Variants in PTPRE observed in about 807,000 individuals in gnomAD.
PTPRE encodes receptor-type tyrosine-protein phosphatase epsilon.
PTPRE carries 51 observed loss-of-function variants against 102.0 expected under a neutral mutation model. The ratio of observed to expected loss-of-function variants is 0.50; its 90% confidence interval spans 0.40 to 0.63. The LOEUF (loss-of-function observed/expected upper bound fraction) is 0.63, where lower values mean the gene tolerates loss of function less well. PTPRE is among the 30% of genes least tolerant of loss of function. The pLI, the probability that PTPRE is intolerant of heterozygous loss-of-function variation, is 0.00. For missense variants in PTPRE, 752 were observed against 915.1 expected (o/e 0.82, Z 2.30); for synonymous variants, 345 against 348.2 (o/e 0.99, Z 0.10).
intron 1 of PTPRE, among the ~76,000 whole-genome samples, chr10:127,910,200 C>T (rs962447122): frequency 6.6e-6 from 1 of 152,156 alleles, no homozygotes; most frequent in Non-Finnish European, 1.5e-5. Context: ...TCTAGTTTTT[C>T]TTTTGGCTTT....
intron 3 of PTPRE, among the ~76,000 whole-genome samples, chr10:128,044,776 C>G (rs1460712824): frequency 6.6e-6 from 1 of 152,208 alleles, no homozygotes; most frequent in African/African-American, 2.4e-5. Context: ...TCTCAGATGA[C>G]TCCCTGACTC....
intron 2 of PTPRE, among the ~76,000 whole-genome samples, chr10:128,009,558 C>T (rs762280041): frequency 6.6e-6 from 1 of 152,154 alleles, no homozygotes; most frequent in African/African-American, 2.4e-5. Context: ...CGAGGTGCAG[C>T]GAGGTCACTA....
chr10:128,058,533 G>A (rs1477640877), intron 7 of PTPRE, among the ~76,000 whole-genome samples: 1 of 152,220 alleles, frequency 6.6e-6, no homozygotes, highest in African/African-American at 2.4e-5. Flanking sequence ...GGAAAGATGG[G>A]TTTACAGAAT....
intron 2 of PTPRE, among the ~76,000 whole-genome samples, chr10:128,003,887 G>A (rs4529818): frequency 0.091 from 13,846 of 151,958 alleles, 827 homozygotes; most frequent in Non-Finnish European, 0.13. Context: ...ATGCCCATTC[G>A]GATGCTCCCA....
intron 2 of PTPRE, among the ~76,000 whole-genome samples, chr10:128,032,085 G>A (rs759651126): frequency 2.6e-5 from 4 of 152,030 alleles, no homozygotes; most frequent in African/African-American, 7.3e-5. Context: ...GCGCAATCTC[G>A]GCTCACTGCA....
chr10:127,943,062 T>C (rs1299068981), intron 1 of PTPRE, among the ~76,000 whole-genome samples: 1 of 152,206 alleles, frequency 6.6e-6, no homozygotes, highest in African/African-American at 2.4e-5. Flanking sequence ...TCATGTGTTT[T>C]ATTCTTCTCT....
At position 127,930,583 on chromosome 10, in the gene PTPRE, A is replaced by C. The variant is rs575903789; in HGVS notation, c.-31+23274A>C. On this transcript the variant is annotated intron_variant, in intron 1 of 20. Transcript: ENST00000254667. ...TGAATAAAATGGCTATAACATGTGC[A>C]TGTAGGTTTTTGCATAAACCTAGGT... Among the ~76,000 whole-genome samples, 26 of 152,310 alleles carry C rather than the reference A, an allele frequency of 1.7e-4. 1 individual carries two copies. The South Asian group carries it at 5.4e-3, about 32-fold the overall frequency.
intron 1 of PTPRE, among the ~76,000 whole-genome samples, chr10:127,956,716 A>G (rs943469842): frequency 6.6e-6 from 1 of 152,198 alleles, no homozygotes; most frequent in African/African-American, 2.4e-5. Context: ...GTTGCTCCAA[A>G]TCCTTACCAG....
chr10:127,987,072 A>G (rs1359850), intron 2 of PTPRE, among the ~76,000 whole-genome samples: 12,276 of 152,244 alleles, frequency 0.081, 669 homozygotes, highest in South Asian at 0.13. Context: ...GACATGACAA[A>G]CAGATTAATC....
chr10:128,072,056 T>C (rs1035862466), intron 15 of PTPRE, 82 bp from the exon 16 acceptor site: 1 of 1,133,722 alleles, frequency 8.8e-7, no homozygotes, highest in Non-Finnish European at 1.3e-6. Context: ...AGGATCTATA[T>C]TTTGCAAGCT....
chr10:128,045,932 TG>T (rs1848052938), intron 3 of PTPRE, among the ~76,000 whole-genome samples: 1 of 152,058 alleles, frequency 6.6e-6, no homozygotes, highest in African/African-American at 2.4e-5. Flanking sequence ...GCTAGCCAGA[TG>T]GGGGAGGCAC....
At chr10:128,032,928 G>T (rs995535444) in intron 2 of PTPRE, among the ~76,000 whole-genome samples, 2 of 152,164 alleles carry the variant, frequency 1.3e-5, no homozygotes, top group Non-Finnish European at 2.9e-5. Context: ...AAACTTGTGG[G>T]TCAGGAATAA....
At chr10:128,016,152 T>C (rs1845405207) in intron 2 of PTPRE, among the ~76,000 whole-genome samples, 1 of 152,082 alleles carries the variant, frequency 6.6e-6, no homozygotes, top group Non-Finnish European at 1.5e-5. Context: ...GCATGGACCA[T>C]ATGGGGGTCT....
chr10:127,982,153 C>G (rs1851683190), intron 1 of PTPRE, 121 bp from the exon 2 acceptor site: 2 of 481,156 alleles, frequency 4.2e-6, no homozygotes, highest in Admixed American at 4.1e-5. Flanking sequence ...TCCAGAAGAC[C>G]CTGAACAATT....
chr10:127,982,127 T>C, intron 1 of PTPRE, 147 bp from the exon 2 acceptor site: 1 of 355,992 alleles, frequency 2.8e-6, no homozygotes, highest in Admixed American at 4.6e-5. Context: ...AGAAGTATCA[T>C]CTAGATAAAG....
intron 1 of PTPRE, among the ~76,000 whole-genome samples, chr10:127,978,688 T>C (rs1345015001): frequency 6.6e-6 from 1 of 152,152 alleles, no homozygotes; most frequent in African/African-American, 2.4e-5. Context: ...GTGATGCTGG[T>C]CCAGAGCCTC....
chr10:128,066,773 GTGTC>G (rs1850130382), intron 11 of PTPRE, among the ~76,000 whole-genome samples: 1 of 152,210 alleles, frequency 6.6e-6, no homozygotes, highest in African/African-American at 2.4e-5. Flanking sequence ...CACAAAATAA[GTGTC>G]TGAGGTTCCA....
chr10:128,005,509 T>C (rs1854439422), intron 2 of PTPRE, among the ~76,000 whole-genome samples: 1 of 152,232 alleles, frequency 6.6e-6, no homozygotes, highest in Non-Finnish European at 1.5e-5. Flanking sequence ...GCCTCCTATT[T>C]ATACTAATGA....
chr10:128,020,618 T>C (rs1845794057), intron 2 of PTPRE, among the ~76,000 whole-genome samples: 1 of 152,226 alleles, frequency 6.6e-6, no homozygotes, highest in African/African-American at 2.4e-5. Flanking sequence ...AAATGGCCGG[T>C]AGCTTCTGGT....
Sources: allele counts gnomAD v4.1 joint callset (sites outside exome capture counted in the v4.1 genomes callset), GRCh38; gene constraint gnomAD v4.1.1; transcripts MANE v1.5; gene names NCBI Gene and HGNC (gene_info 2026-07-23, HGNC 2026-07-21).